Variants in MYPN observed in about 807,000 individuals in gnomAD.
The protein encoded by MYPN is myopalladin.
Under a neutral mutation model 129.4 loss-of-function variants are expected in MYPN, and 63 were observed. That is an observed-to-expected ratio of 0.49 (90% CI 0.40 to 0.60). MYPN has a LOEUF of 0.60. MYPN is among the 20% of genes least tolerant of loss of function. MYPN has a pLI of 0.00. For synonymous variants in MYPN, 629 were observed against 600.9 expected (o/e 1.05, Z -0.68); for missense variants, 1,596 against 1,635.4 (o/e 0.98, Z 0.42).
At chr10:68,089,113 C>A (rs1323244020) in intron 1 of MYPN, among the ~76,000 whole-genome samples, 1 of 152,078 alleles carries the variant, frequency 6.6e-6, no homozygotes, top group African/African-American at 2.4e-5. Context: ...CTCACTGCAA[C>A]CTCTGCCTCC....
At chr10:68,125,927 CA>C (rs1471955932) in intron 2 of MYPN, among the ~76,000 whole-genome samples, 1 of 152,154 alleles carries the variant, frequency 6.6e-6, no homozygotes, top group Non-Finnish European at 1.5e-5. Flanking sequence ...ATCAGGCAGA[CA>C]GCAAACAAAT....
At chr10:68,141,527 TTA>T (rs869057563) in intron 2 of MYPN, among the ~76,000 whole-genome samples, 4 of 124,756 alleles carry the variant, frequency 3.2e-5, no homozygotes, top group African/African-American at 5.1e-5. Flanking sequence ...TAATTACTTT[TTA>T]TTATGTTGAT....
intron 6 of MYPN, among the ~76,000 whole-genome samples, chr10:68,151,709 A>C (rs2042774351): frequency 6.6e-6 from 1 of 152,184 alleles, no homozygotes; most frequent in Non-Finnish European, 1.5e-5. Context: ...GTCTCAGCTA[A>C]AGTCTCCCCC....
chr10:68,182,222 AACACATATATATATAACATATATATAAC>A lies in MYPN; in HGVS notation c.2704-6621_2704-6594del, dbSNP rs1564686392. ...GGTTACTAATGTTATATATATATAT[AACACATATATATATAACATATATATAAC>A]ACACATATATATATAACATATATAT... On this transcript the variant is annotated intron_variant, in intron 12 of 19. Transcript: ENST00000358913. Among the ~76,000 whole-genome samples, 405 of 96,488 alleles carry A rather than the reference AACACATATATATATAACATATATATAAC, an allele frequency of 4.2e-3. 6 individuals carry two copies. Among genetic ancestry groups the A allele is most frequent in the African/African-American group, 0.014 (381 of 27,930 alleles). 63.3% of individuals were successfully genotyped at this position (96,488 alleles called of 152,430 possible). A position where few individuals can be genotyped will look rare whatever the true frequency, so the allele number is the denominator to read the frequency against.
intron 7 of MYPN, among the ~76,000 whole-genome samples, chr10:68,158,912 T>A (rs1435727258): frequency 6.6e-6 from 1 of 152,070 alleles, no homozygotes; most frequent in African/African-American, 2.4e-5. Context: ...TTACTTTTTT[T>A]TTTTTTTAGA....
At chr10:68,210,138 C>A in intron 19 of MYPN, 148 bp from the exon 20 acceptor site, 1 of 816,758 alleles carries the variant, frequency 1.2e-6, no homozygotes. Context: ...TTCTCTTCTA[C>A]AAACGAGGCA....
intron 14 of MYPN, among the ~76,000 whole-genome samples, chr10:68,195,192 A>T (rs1478270206): frequency 2.0e-5 from 3 of 152,216 alleles, no homozygotes; most frequent in Non-Finnish European, 2.9e-5. Flanking sequence ...GTACATAAGA[A>T]TTCAAATTTC....
intron 2 of MYPN, chr10:68,135,429 A>G (rs1240279475): frequency 3.2e-6 from 3 of 937,670 alleles, no homozygotes; most frequent in African/African-American, 1.8e-5. Context: ...GACAACATTT[A>G]TTATTATCTT....
chr10:68,092,820 C>T (rs1203894562), intron 1 of MYPN, among the ~76,000 whole-genome samples: 1 of 152,080 alleles, frequency 6.6e-6, no homozygotes, highest in Non-Finnish European at 1.5e-5. Context: ...AAACAGTTTT[C>T]CTCATTTTTC....
At chr10:68,158,281 C>A (rs1006280157) in intron 6 of MYPN, 28 of 572,650 alleles carry the variant, frequency 4.9e-5, no homozygotes, top group Admixed American at 1.8e-4. Context: ...ATAGGAGTAG[C>A]CACGCTCGCC....
chr10:68,152,995 T>C (rs1221710409), intron 6 of MYPN, among the ~76,000 whole-genome samples: 2 of 151,712 alleles, frequency 1.3e-5, no homozygotes, highest in East Asian at 3.8e-4. Flanking sequence ...TATTTTATTT[T>C]ATTTTATTTA....
chr10:68,107,095 A>G (rs2042020957), upstream of MYPN, among the ~76,000 whole-genome samples: 1 of 152,256 alleles, frequency 6.6e-6, no homozygotes, highest in Non-Finnish European at 1.5e-5. Context: ...AACTGAAGAT[A>G]AGCAAGGCAG....
chr10:68,193,674 G>A (rs1225471664), intron 13 of MYPN, among the ~76,000 whole-genome samples: 1 of 152,080 alleles, frequency 6.6e-6, no homozygotes, highest in African/African-American at 2.4e-5. Flanking sequence ...TATCATGTAT[G>A]GTTAGGTAAC....
intron 2 of MYPN, among the ~76,000 whole-genome samples, chr10:68,125,098 A>G (rs554463414): frequency 1.3e-5 from 2 of 152,342 alleles, no homozygotes; most frequent in East Asian, 3.9e-4. Flanking sequence ...TTCAACCATG[A>G]CAATCTCAGA....
rs1164866963 is a variant in MYPN at position 68,160,250 on chromosome 10, C to CA, written c.1460-1474dup. Among the ~76,000 whole-genome samples, 11 of 147,210 alleles carry CA rather than the reference C, an allele frequency of 7.5e-5. No homozygotes were observed. In the South Asian group the frequency reaches 1.3e-3, roughly 18 times the overall value. On this transcript the variant is annotated intron_variant, in intron 7 of 19. Transcript: ENST00000358913. ...CAACATGGTGAAACCCTGTTTCCAC[C>CA]AAAAACAACAAAAACAAAAAAAACC...
chr10:68,109,855 G>A (rs922472330), intron 1 of MYPN, 132 bp downstream of exon 1: 31 of 350,566 alleles, frequency 8.8e-5, no homozygotes, highest in Middle Eastern at 2.0e-3. Flanking sequence ...TACATATGAC[G>A]GGACACGAAA....
At chr10:68,207,643 T>A (rs1038279615) in intron 19 of MYPN, among the ~76,000 whole-genome samples, 6 of 152,132 alleles carry the variant, frequency 3.9e-5, no homozygotes, top group African/African-American at 1.4e-4. Flanking sequence ...TCTCTAATAA[T>A]AGAGAGCTGT....
chr10:68,130,813 G>A (rs2042398584), intron 2 of MYPN, among the ~76,000 whole-genome samples: 1 of 152,054 alleles, frequency 6.6e-6, no homozygotes, highest in South Asian at 2.1e-4. Context: ...TGTGTATAAT[G>A]TAAAGCCGGG....
chr10:68,189,643 A>G (rs1422290905), intron 13 of MYPN, among the ~76,000 whole-genome samples: 1 of 152,112 alleles, frequency 6.6e-6, no homozygotes, highest in African/African-American at 2.4e-5. Flanking sequence ...AGCTTACTTC[A>G]CTTAACATAA....
Sources: allele counts gnomAD v4.1 joint callset (sites outside exome capture counted in the v4.1 genomes callset), GRCh38; gene constraint gnomAD v4.1.1; transcripts MANE v1.5; gene names NCBI Gene and HGNC (gene_info 2026-07-23, HGNC 2026-07-21).